The following CEP295 variants were observed in gnomAD, a reference collection of about 807,000 sequenced individuals.
The protein encoded by CEP295 is centrosomal protein 295, also known as centrosomal protein of 295 kDa.
A neutral mutation model predicts 291.6 loss-of-function variants in CEP295; 190 were observed. That is an observed-to-expected ratio of 0.65 (90% CI 0.58 to 0.73). The LOEUF (loss-of-function observed/expected upper bound fraction) is 0.73, where lower values mean the gene tolerates loss of function less well. CEP295 is among the 30% of genes least tolerant of loss of function. The probability of loss-of-function intolerance (pLI) is 0.00; values close to 1 mark genes in which losing one functional copy is unlikely to be tolerated. For synonymous variants in CEP295, 993 were observed against 1,038.8 expected (o/e 0.96, Z 0.85); for missense variants, 2,863 against 2,949.4 (o/e 0.97, Z 0.68).
intron 1 of CEP295, among the ~76,000 whole-genome samples, chr11:93,666,320 A>G (rs924101469): frequency 6.6e-6 from 1 of 152,170 alleles, no homozygotes; most frequent in African/African-American, 2.4e-5. Context: ...CTGAGCAGGC[A>G]TGGTGGCTCA....
rs76609251 is a variant in CEP295, at chr11:93,679,396, T to C, written c.625-16T>C. 7,309 of 1,533,410 alleles carry C rather than the reference T, an allele frequency of 4.8e-3. 45 individuals are homozygous for C. The highest frequency in any genetic ancestry group is 4.7e-3 in the Non-Finnish European group (5,353 of 1,140,364). 95.0% of individuals were successfully genotyped at this position (1,533,410 alleles called of 1,614,324 possible). A position where few individuals can be genotyped will look rare whatever the true frequency, so the allele number is the denominator to read the frequency against. On this transcript the variant is annotated splice_polypyrimidine_tract_variant and intron_variant, in intron 6 of 29. Transcript: ENST00000325212. ...CACTTTAAAAATTTTGCCTACAATT[T>C]TTGATTGACTGCTAGCCAGATGCTC...
intron 17 of CEP295, among the ~76,000 whole-genome samples, chr11:93,703,610 A>G (rs1180679048): frequency 6.9e-6 from 1 of 145,004 alleles, no homozygotes; most frequent in Admixed American, 6.9e-5. Context: ...GTCACTTTCT[A>G]CTTTCCTACC....
intron 22 of CEP295, among the ~76,000 whole-genome samples, chr11:93,725,394 A>G (rs1242086307): frequency 1.3e-5 from 2 of 152,242 alleles, no homozygotes; most frequent in Non-Finnish European, 2.9e-5. Context: ...CAATTTTGCA[A>G]AATTTAAAGT....
chr11:93,721,393 C>T lies in CEP295; in HGVS notation c.5831C>T (p.Thr1944Ile), dbSNP rs759151304. Residue 1944 changes from threonine to isoleucine, a missense_variant, in exon 19 of 30, where the codon ACT becomes ATT. Physicochemically the swap from Thr to Ile is moderately conservative, Grantham distance 89 (BLOSUM62 -1). Transcript: ENST00000325212. ...GAAGAACATGCATATTTGGGTCCAA[C>T]TGTGAAGCCAGATGATAAGGTTAGT... ...VEEEHAYLGP[T>I]VKPDDKAKTL... 57 of 1,589,452 alleles carry T rather than the reference C, an allele frequency of 3.6e-5. No homozygotes were observed. The East Asian group carries it at 1.3e-3, about 36-fold the overall frequency.
At chr11:93,685,909 C>T (rs1331163894) in intron 9 of CEP295, among the ~76,000 whole-genome samples, 1 of 152,026 alleles carries the variant, frequency 6.6e-6, no homozygotes, top group East Asian at 2.0e-4. Context: ...CGGGGTTTCA[C>T]TATGTTGGCC....
intron 18 of CEP295, among the ~76,000 whole-genome samples, chr11:93,712,899 T>G: frequency 6.6e-6 from 1 of 151,838 alleles, no homozygotes; most frequent in South Asian, 2.1e-4. Flanking sequence ...GTTGTTTTAG[T>G]GAAGGTGATT....
At position 93,727,569 on chromosome 11, in the gene CEP295, C is replaced by T. The variant is rs754990235; in HGVS notation, c.7093C>T (p.Gln2365Ter). 1.9e-6 allele frequency: 3 copies of T among 1,551,188 alleles called. No individual in the cohort carries two copies. In the Admixed American group the frequency reaches 5.9e-5, roughly 30 times the overall value. The change falls in exon 24 of 30, where the codon CAA (glutamine) becomes TAA (stop). Residue 2365 changes from glutamine to a stop codon, truncating the protein, a stop_gained. Coordinates refer to ENST00000325212, the MANE Select transcript of CEP295 (RefSeq NM_033395.2). LOFTEE classifies it high-confidence loss of function. Reference protein sequence around the residue: ...DIPKITKKLSQLGESELFASS... With the variant: ...DIPKITKKLS ...TCCAAAAATCACCAAAAAACTATCTCAACTAGGAGAATCAGAGCTTTTTGC... is the reference window on the plus strand; with the variant it reads ...TCCAAAAATCACCAAAAAACTATCTTAACTAGGAGAATCAGAGCTTTTTGC...
chr11:93,708,182 TCAA>T (rs1952644152), intron 18 of CEP295, among the ~76,000 whole-genome samples: 1 of 152,184 alleles, frequency 6.6e-6, no homozygotes, highest in Non-Finnish European at 1.5e-5. Flanking sequence ...TACAAACAAT[TCAA>T]TTATAGTTTT....
chr11:93,710,048 G>T (rs1461607628), intron 18 of CEP295, among the ~76,000 whole-genome samples: 3 of 152,034 alleles, frequency 2.0e-5, no homozygotes, highest in African/African-American at 7.2e-5. Context: ...GAGTCTTTAG[G>T]TTTTTTCCAG....
At chr11:93,730,024 C>CT (rs756724920) in intron 28 of CEP295, 25 bp from the exon 29 acceptor site, 1 of 1,498,340 alleles carries the variant, frequency 6.7e-7, no homozygotes, top group South Asian at 1.3e-5. Context: ...GTGTTTGTCT[C>CT]TAATTCTATA....
rs76407057 is a variant in CEP295, at chr11:93,666,236, G to A, written c.-26-446G>A. Among the ~76,000 whole-genome samples the A allele has an allele frequency of 3.1e-3, 478 of 152,154 alleles. 9 individuals are homozygous for A. In the East Asian group the frequency reaches 0.05, roughly 16 times the overall value. ...GCTATTTGTAAATAAGTTGGACTTC[G>A]TTTACTCAAATTTTCCTTGCATGTA... On this transcript the variant is annotated intron_variant, in intron 1 of 29. Transcript: ENST00000325212.
chr11:93,671,428 G>A (rs1950443058), intron 5 of CEP295, among the ~76,000 whole-genome samples: 2 of 152,044 alleles, frequency 1.3e-5, no homozygotes, highest in Non-Finnish European at 2.9e-5. Context: ...GAGACTTGAA[G>A]TTGTTTCTTG....
chr11:93,692,135 T>G, intron 12 of CEP295, 105 bp downstream of exon 12: 1 of 653,054 alleles, frequency 1.5e-6, no homozygotes, highest in Admixed American at 3.1e-5. Flanking sequence ...AATTTTGATA[T>G]CATGTTTTTG....
At chr11:93,687,353 A>G (rs762896146) in intron 9 of CEP295, among the ~76,000 whole-genome samples, 6 of 152,204 alleles carry the variant, frequency 3.9e-5, no homozygotes, top group Non-Finnish European at 5.9e-5. Flanking sequence ...AGCAAGCAAA[A>G]TAAACATCTT....
Position 93,684,053 on chromosome 11 carries a change from A to C in CEP295, c.1039A>C (p.Met347Leu). The change falls in exon 9 of 30, where the codon ATG (methionine) becomes CTG (leucine). Residue 347 changes from methionine to leucine, a missense_variant. Met to Leu is a conservative substitution (Grantham distance 15). Transcript: ENST00000325212. ...QIQDEELDLS[M>L]EQENLGAAED... is the part of the protein sequence containing the mutation. ...CCAAGATGAAGAGCTGGACCTTTCA[A>C]TGGAACAAGAAAATTTGGGTGCAGC... 1 of 1,551,794 alleles carries C rather than the reference A, an allele frequency of 6.4e-7. No homozygotes were observed.
At chr11:93,702,109 C>G (rs190499369) in intron 15 of CEP295, among the ~76,000 whole-genome samples, 26 of 152,254 alleles carry the variant, frequency 1.7e-4, no homozygotes, top group Admixed American at 1.3e-3. Flanking sequence ...CAGGCATGCA[C>G]AATCACGCCC....
rs1485859777 is a variant in CEP295, at chr11:93,697,133, A to G, written c.2221A>G (p.Arg741Gly). The change falls in exon 15 of 30, where the codon AGG becomes GGG. Residue 741 changes from arginine to glycine, a missense_variant. By Grantham distance (125) the Arg-to-Gly change is moderately radical. Coordinates refer to ENST00000325212, the MANE Select transcript of CEP295 (RefSeq NM_033395.2). ...ETLSRALSHD[R>G]QLISQDARKI... ...ACTTTCAAGGGCTTTGTCACATGAC[A>G]GGCAGCTAATATCACAGGATGCTAG... 4 of 1,551,904 alleles carry G rather than the reference A, an allele frequency of 2.6e-6. No homozygotes were observed. The highest frequency in any genetic ancestry group is 3.5e-6 in the Non-Finnish European group (4 of 1,147,044).
chr11:93,712,761 C>T (rs1591116100), intron 18 of CEP295, among the ~76,000 whole-genome samples: 1 of 152,074 alleles, frequency 6.6e-6, no homozygotes, highest in South Asian at 2.1e-4. Context: ...TTACATTGAA[C>T]ATTATTATTG....
rs1362244190 is a variant in CEP295, at chr11:93,725,786, G to A, written c.6454G>A (p.Ala2152Thr). Residue 2152 changes from alanine (A) to threonine (T), a missense_variant, in exon 23 of 30, where the codon GCT becomes ACT. Ala to Thr is a moderately conservative substitution (Grantham distance 58). Coordinates refer to ENST00000325212, the MANE Select transcript of CEP295 (RefSeq NM_033395.2). ...SPNQQPDTNL[A>T]HVGAHSFATE... Reference sequence around the variant, plus strand: ...GAATCAACAACCTGACACTAACTTGGCTCATGTTGGAGCTCACAGTTTTGC... The same window carrying A: ...GAATCAACAACCTGACACTAACTTGACTCATGTTGGAGCTCACAGTTTTGC... 1 of 1,551,430 alleles carries A rather than the reference G, an allele frequency of 6.4e-7. No individual in the cohort carries two copies. Among genetic ancestry groups the A allele is most frequent in the Non-Finnish European group, 8.7e-7 (1 of 1,146,968 alleles).
Sources: gnomAD v4.1 joint callset for allele counts (sites outside exome capture counted in the v4.1 genomes callset) on GRCh38, gnomAD v4.1.1 for gene constraint, MANE v1.5 for transcripts, NCBI Gene and HGNC (gene_info 2026-07-23, HGNC 2026-07-21) for gene names.